The following REXO1 variants were observed in gnomAD, a reference collection of about 807,000 sequenced individuals.
REXO1 encodes REX1, RNA exonuclease 1 homolog.
In REXO1, 42 loss-of-function variants were observed where a neutral mutation model predicts 102.6. That is an observed-to-expected ratio of 0.41 (90% confidence interval 0.32 to 0.53). REXO1 has a LOEUF of 0.53. Among genes scored for constraint, REXO1 ranks in the 20% least tolerant of loss-of-function variants. The pLI is 0.27. For synonymous variants in REXO1, 908 were observed against 779.1 expected (o/e 1.17, Z -2.76); for missense variants, 1,819 against 1,732.5 (o/e 1.05, Z -0.89).
chr19:1,820,030 C>T lies in REXO1; in HGVS notation c.2554G>A (p.Asp852Asn), dbSNP rs1210811855. Residue 852 changes from aspartate to asparagine, a missense_variant, in exon 7 of 16, where the codon GAC becomes AAC. By Grantham distance (23) the Asp-to-Asn change is conservative. Transcript: ENST00000170168. ...KALNEEKVAY[D>N]RSPSKNIYLN... ...TAGATGTTCTTGCTGGGGCTGCGGT[C>T]ATAGGCCACCTTCTCCTCGTTCAGT... 1 of 1,603,852 alleles carries T rather than the reference C, an allele frequency of 6.2e-7. No individual in the cohort carries two copies. Among genetic ancestry groups the T allele is most frequent in the Non-Finnish European group, 8.5e-7 (1 of 1,177,326 alleles).
chr19:1,822,211 G>A (rs554728939), intron 4 of REXO1: 15 of 257,316 alleles, frequency 5.8e-5, no homozygotes, highest in Non-Finnish European at 9.5e-5. Context: ...CTGGACTGGG[G>A]GCTCGGCACC....
In REXO1 at chr19:1,817,729, G is replaced by A; in HGVS notation, c.3068C>T (p.Ser1023Phe). Residue 1023 changes from serine to phenylalanine, a missense_variant, in exon 11 of 16, where the codon TCT becomes TTT. Coordinates refer to ENST00000170168, the MANE Select transcript of REXO1 (RefSeq NM_020695.4). Reference sequence around the variant, plus strand: ...CACCTTTGCGACTTGGCAGCCGACAGAGCCGGCGGCAGCCGAGCAGCACAT... The same window carrying A: ...CACCTTTGCGACTTGGCAGCCGACAAAGCCGGCGGCAGCCGAGCAGCACAT... Reference protein sequence around the residue: ...QYMCCSAAAGSVGCQVAKQHV... With the variant: ...QYMCCSAAAGFVGCQVAKQHV... 2 of 1,612,362 alleles carry A rather than the reference G, an allele frequency of 1.2e-6. No homozygotes were observed. Among genetic ancestry groups the A allele is most frequent in the Non-Finnish European group, 1.7e-6 (2 of 1,179,704 alleles).
intron 1 of REXO1, among the ~76,000 whole-genome samples, chr19:1,844,769 T>C (rs943591413): frequency 6.6e-6 from 1 of 152,212 alleles, no homozygotes; most frequent in South Asian, 2.1e-4. Flanking sequence ...GCCGCTCACT[T>C]TGCAGTATAG....
chr19:1,842,417 T>C (rs2011326083), intron 1 of REXO1, among the ~76,000 whole-genome samples: 1 of 152,108 alleles, frequency 6.6e-6, no homozygotes, highest in South Asian at 2.1e-4. Context: ...AACCAAAACA[T>C]CTCCAGACAT....
chr19:1,817,789 G>A lies in REXO1; in HGVS notation c.3017-9C>T, dbSNP rs752153296. On this transcript the variant is annotated splice_polypyrimidine_tract_variant and intron_variant, in intron 10 of 15. Coordinates refer to ENST00000170168, the MANE Select transcript of REXO1 (RefSeq NM_020695.4). ...CTCCCAGCCTCCGGCCACTGCAGGG[G>A]ACACAGACACACAGTCAGGGCCCGG... 4 of 1,610,226 alleles carry A rather than the reference G, an allele frequency of 2.5e-6. No individual in the cohort carries two copies. The highest frequency in any genetic ancestry group is 1.3e-5 in the African/African-American group (1 of 74,916).
chr19:1,837,143 T>C (rs1429371804), intron 1 of REXO1, among the ~76,000 whole-genome samples: 3 of 152,204 alleles, frequency 2.0e-5, no homozygotes, highest in Non-Finnish European at 4.4e-5. Context: ...GGGCTGGTTG[T>C]GTCCACGGGA....
chr19:1,831,566 G>A (rs970594339), intron 1 of REXO1, among the ~76,000 whole-genome samples: 23 of 152,066 alleles, frequency 1.5e-4, no homozygotes, highest in African/African-American at 4.8e-4. Context: ...GTTTCGGCCG[G>A]TTGTGGTGGC....
rs1305070374 is a variant in REXO1, at chr19:1,848,154, C to A, written c.157+48G>T. 7.9e-6 allele frequency: 8 copies of A among 1,009,004 alleles called. No individual in the cohort carries two copies. In the East Asian group the frequency reaches 2.7e-4, roughly 34 times the overall value. 62.5% of individuals were successfully genotyped at this position (1,009,004 alleles called of 1,614,324 possible). ...GGGCGGGACCGGGGTGGGGTCCAGA[C>A]CCGGGCAGGGGAGCCGAGCCCAAGG... On this transcript the variant is annotated intron_variant, in intron 1 of 15. Transcript: ENST00000170168.
chr19:1,818,520 T>G lies in REXO1; in HGVS notation c.2978A>C (p.Glu993Ala), dbSNP rs945065193. Residue 993 changes from glutamate (E) to alanine (A), a missense_variant, in exon 10 of 16, where the codon GAG becomes GCG. By Grantham distance (107) the Glu-to-Ala change is moderately radical. Coordinates refer to ENST00000170168, the MANE Select transcript of REXO1 (RefSeq NM_020695.4). ...SSSGRCIRDE[E>A]CYYHWGRLRR... ...CAGCCGTCCCCAGTGGTAATAACAC[T>G]CCTCGTCCCGGATGCAGCGGCCTGA... 5 of 1,611,412 alleles carry G rather than the reference T, an allele frequency of 3.1e-6. No individual in the cohort carries two copies. In the African/African-American group the frequency reaches 6.7e-5, roughly 22 times the overall value.
rs2069366759 is a variant in REXO1 at position 1,816,484 on chromosome 19, C to T, written c.3403G>A (p.Ala1135Thr). 1 of 1,612,558 alleles carries T rather than the reference C, an allele frequency of 6.2e-7. No individual in the cohort carries two copies. Among genetic ancestry groups the T allele is most frequent in the Non-Finnish European group, 8.5e-7 (1 of 1,179,778 alleles). Residue 1135 changes from alanine to threonine, a missense_variant, in exon 14 of 16, where the codon GCT becomes ACT. By Grantham distance (58) the Ala-to-Thr change is moderately conservative. Transcript: ENST00000170168. ...VQAVLLSMFSADTILIGHSLE... is the reference protein window; with the variant it reads ...VQAVLLSMFSTDTILIGHSLE... ...CTGTGTCCGATGAGGATGGTGTCAG[C>T]GCTGAACATGCTCAGCAGAACGGCC...
chr19:1,845,141 T>G (rs886842244), intron 1 of REXO1, among the ~76,000 whole-genome samples: 1 of 152,110 alleles, frequency 6.6e-6, no homozygotes, highest in African/African-American at 2.4e-5. Context: ...CCACTCCACA[T>G]AGACAACCGA....
chr19:1,840,567 G>A (rs114854129), intron 1 of REXO1, among the ~76,000 whole-genome samples: 183 of 152,172 alleles, frequency 1.2e-3, no homozygotes, highest in African/African-American at 4.3e-3. Context: ...CCCACTTCCA[G>A]CCACAGGCAA....
chr19:1,816,236 A>G lies in REXO1; in HGVS notation c.3566T>C (p.Ile1189Thr), dbSNP rs1163150997. The G allele has an allele frequency of 6.3e-7, 1 of 1,586,644 alleles. No homozygotes were observed. Among genetic ancestry groups the G allele is most frequent in the African/African-American group, 1.3e-5 (1 of 74,590 alleles). The change falls in exon 15 of 16, where the codon ATC (isoleucine) becomes ACC (threonine). Residue 1189 changes from isoleucine to threonine, a missense_variant. Physicochemically the swap from Ile to Thr is moderately conservative, Grantham distance 89. Coordinates refer to ENST00000170168, the MANE Select transcript of REXO1 (RefSeq NM_020695.4). ...GCACCGGCACTCACCATTGTCCTGGATGATCTGTCTGAGGTAGTCGGCCAT... is the reference window on the plus strand; with the variant it reads ...GCACCGGCACTCACCATTGTCCTGGGTGATCTGTCTGAGGTAGTCGGCCAT... Reference protein sequence around the residue: ...NLMADYLRQIIQDNVDGHSSS... With the variant: ...NLMADYLRQITQDNVDGHSSS...
chr19:1,842,101 C>T (rs2011311336), intron 1 of REXO1, among the ~76,000 whole-genome samples: 2 of 152,016 alleles, frequency 1.3e-5, no homozygotes, highest in African/African-American at 4.8e-5. Context: ...ATCCCAGCTA[C>T]CTGGGACACT....
chr19:1,845,080 A>T (rs758448467), intron 1 of REXO1, among the ~76,000 whole-genome samples: 42 of 152,208 alleles, frequency 2.8e-4, no homozygotes, highest in Non-Finnish European at 4.9e-4. Flanking sequence ...GGCAGTGGGC[A>T]GAGGCCTGGG....
chr19:1,832,474 G>C (rs909090409), intron 1 of REXO1, among the ~76,000 whole-genome samples: 2 of 152,250 alleles, frequency 1.3e-5, no homozygotes, highest in African/African-American at 4.8e-5. Context: ...CGGGAGGCCG[G>C]GACCCGGAGG....
At chr19:1,818,901 C>A in intron 8 of REXO1, 58 bp from the exon 9 acceptor site, 1 of 1,591,700 alleles carries the variant, frequency 6.3e-7, no homozygotes, top group Non-Finnish European at 8.6e-7. Flanking sequence ...GCGGTAGACA[C>A]CACCGGGAAA....
chr19:1,841,100 A>C (rs1171220145), intron 1 of REXO1, among the ~76,000 whole-genome samples: 1 of 152,246 alleles, frequency 6.6e-6, no homozygotes, highest in Non-Finnish European at 1.5e-5. Context: ...GGCTCCTCCA[A>C]GGGTCCCAGA....
intron 1 of REXO1, among the ~76,000 whole-genome samples, chr19:1,845,928 G>GT (rs2011517213): frequency 6.6e-6 from 1 of 152,202 alleles, no homozygotes; most frequent in African/African-American, 2.4e-5. Context: ...CCAGGTGGTA[G>GT]TATGGGCAAA....
Sources: allele counts gnomAD v4.1 joint callset (sites outside exome capture counted in the v4.1 genomes callset), GRCh38; gene constraint gnomAD v4.1.1; transcripts MANE v1.5; gene names NCBI Gene and HGNC (gene_info 2026-07-23, HGNC 2026-07-21).